MAMDC2: variants seen among roughly 807,000 people sequenced by gnomAD.
The protein encoded by MAMDC2 is MAM domain containing 2.
MAMDC2 carries 57 observed loss-of-function variants against 89.8 expected under a neutral mutation model. The ratio of observed to expected loss-of-function variants is 0.63; its 90% CI spans 0.51 to 0.79. The LOEUF (loss-of-function observed/expected upper bound fraction) is 0.79, where lower values mean the gene tolerates loss of function less well. Ranked by LOEUF, MAMDC2 falls within the 30% of genes least tolerant of loss-of-function variation. The pLI, the probability that MAMDC2 is intolerant of heterozygous loss-of-function variation, is 0.00. For synonymous variants in MAMDC2, 313 were observed against 293.4 expected, an observed-to-expected ratio of 1.07 and a Z score of -0.68; for missense variants, 800 against 820.6, an observed-to-expected ratio of 0.97 and a Z score of 0.31.
chr9:70,116,772 A>C (rs999962731), intron 5 of MAMDC2, among the ~76,000 whole-genome samples: 1 of 151,624 alleles, frequency 6.6e-6, no homozygotes, highest in African/African-American at 2.4e-5. Flanking sequence ...TAATGTCTTG[A>C]CCAGAAGGGT....
chr9:70,095,037 T>C (rs1827991194), intron 2 of MAMDC2, among the ~76,000 whole-genome samples: 1 of 151,974 alleles, frequency 6.6e-6, no homozygotes, highest in Admixed American at 6.6e-5. Context: ...GCATGGAATG[T>C]AGGAGGGAAG....
intron 11 of MAMDC2, among the ~76,000 whole-genome samples, chr9:70,215,479 T>C (rs1020044170): frequency 1.3e-5 from 2 of 152,270 alleles, no homozygotes; most frequent in Non-Finnish European, 2.9e-5. Context: ...AAATGTAACA[T>C]ACCAGATCAA....
chr9:70,131,767 T>C (rs1326059292), intron 7 of MAMDC2, among the ~76,000 whole-genome samples, 155 bp downstream of exon 7: 2 of 152,226 alleles, frequency 1.3e-5, no homozygotes, highest in Non-Finnish European at 2.9e-5. Context: ...TTCTGGAATA[T>C]TACTCTCTTT....
At chr9:70,205,378 T>G (rs2033203873) in intron 11 of MAMDC2, among the ~76,000 whole-genome samples, 1 of 152,152 alleles carries the variant, frequency 6.6e-6, no homozygotes, top group South Asian at 2.1e-4. Context: ...AAAGAGAAAT[T>G]TTAGAGCGAC....
At chr9:70,078,396 G>A (rs1405916139) in intron 2 of MAMDC2, among the ~76,000 whole-genome samples, 1 of 152,148 alleles carries the variant, frequency 6.6e-6, no homozygotes, top group African/African-American at 2.4e-5. Context: ...TAATTTAAAC[G>A]TTTCACAAGC....
intron 9 of MAMDC2, among the ~76,000 whole-genome samples, chr9:70,151,682 A>AAATG (rs2031585693): frequency 6.6e-6 from 1 of 152,166 alleles, no homozygotes; most frequent in Non-Finnish European, 1.5e-5. Context: ...CACCTGGAGA[A>AAATG]AATGAGGCTC....
intron 11 of MAMDC2, among the ~76,000 whole-genome samples, chr9:70,210,462 T>G (rs2118662919): frequency 6.6e-6 from 1 of 152,312 alleles, no homozygotes; most frequent in East Asian, 1.9e-4. Flanking sequence ...AACCCCTGCC[T>G]TTTTCTTGTT....
chr9:70,066,560 T>A (rs1370166873), intron 2 of MAMDC2, among the ~76,000 whole-genome samples: 1 of 152,090 alleles, frequency 6.6e-6, no homozygotes, highest in Non-Finnish European at 1.5e-5. Flanking sequence ...CAAGAGATCA[T>A]AGTGGCTTAG....
chr9:70,101,883 C>T (rs953365874), intron 2 of MAMDC2, among the ~76,000 whole-genome samples: 1 of 152,182 alleles, frequency 6.6e-6, no homozygotes, highest in Non-Finnish European at 1.5e-5. Context: ...AAAGTCAGCA[C>T]AAAACGTGAA....
At chr9:70,057,958 G>A (rs1827062317) in intron 2 of MAMDC2, among the ~76,000 whole-genome samples, 2 of 152,134 alleles carry the variant, frequency 1.3e-5, no homozygotes, top group South Asian at 4.1e-4. Context: ...TTTTATTTCA[G>A]TATTTGAAAG....
rs1211914943 is a variant in MAMDC2 at position 70,153,429 on chromosome 9, T to A, written c.1404+9610T>A. 3.3e-5 allele frequency: 5 copies of A among 152,238 alleles called. No homozygotes were observed. The East Asian group carries it at 9.6e-4, about 29-fold the overall frequency. The allele number at this position is 152,238 out of a possible 1,614,324, so 9.4% of individuals were successfully genotyped here. ...TATATATTCAAATCCTTAGTTTATCTTTATGCTTGGTCACCCATGGTAGCA... is the reference window on the plus strand; with the variant it reads ...TATATATTCAAATCCTTAGTTTATCATTATGCTTGGTCACCCATGGTAGCA... On this transcript the variant is annotated intron_variant, in intron 9 of 13. Coordinates refer to ENST00000377182, the MANE Select transcript of MAMDC2 (RefSeq NM_153267.5).
chr9:70,209,371 G>C (rs948335991), intron 11 of MAMDC2, among the ~76,000 whole-genome samples: 3 of 152,152 alleles, frequency 2.0e-5, no homozygotes, highest in Non-Finnish European at 4.4e-5. Flanking sequence ...GGGCATATGT[G>C]TTGAGGAATT....
intron 2 of MAMDC2, among the ~76,000 whole-genome samples, chr9:70,101,286 A>G (rs1828186463): frequency 6.6e-6 from 1 of 152,214 alleles, no homozygotes; most frequent in Non-Finnish European, 1.5e-5. Context: ...TAAGAGTCAA[A>G]TGTTAAAATT....
At chr9:70,211,539 C>A (rs1258921227) in intron 11 of MAMDC2, among the ~76,000 whole-genome samples, 1 of 152,088 alleles carries the variant, frequency 6.6e-6, no homozygotes, top group South Asian at 2.1e-4. Flanking sequence ...AATCTTTTTT[C>A]AAGGTTTTTA....
rs10710715 is a variant in MAMDC2, at chr9:70,154,527, A to ATTTT, written c.1404+10724_1404+10727dup. On this transcript the variant is annotated intron_variant, in intron 9 of 13. Transcript: ENST00000377182. ...GGTATGCTGAGTCCGATTTGGAACA[A>ATTTT]TTTTTTTTTTTTTTTTTTTGAGACA... 1.3e-4 allele frequency among the ~76,000 whole-genome samples: 17 copies of ATTTT among 135,838 alleles called. 1 individual carries two copies. Among genetic ancestry groups the ATTTT allele is most frequent in the Non-Finnish European group, 1.4e-4 (9 of 64,428 alleles). 89.1% of individuals were successfully genotyped at this position (135,838 alleles called of 152,430 possible). A position where few individuals can be genotyped will look rare whatever the true frequency, so the allele number is the denominator to read the frequency against.
At chr9:70,068,765 A>C (rs1447799479) in intron 2 of MAMDC2, among the ~76,000 whole-genome samples, 1 of 151,630 alleles carries the variant, frequency 6.6e-6, no homozygotes, top group East Asian at 1.9e-4. Flanking sequence ...AACAGGAAAC[A>C]AACATCTAAA....
chr9:70,098,594 A>G (rs1180222300), intron 2 of MAMDC2, among the ~76,000 whole-genome samples: 2 of 152,220 alleles, frequency 1.3e-5, no homozygotes, highest in Non-Finnish European at 2.9e-5. Context: ...CCCAAATGAA[A>G]GTCCATATAG....
intron 11 of MAMDC2, among the ~76,000 whole-genome samples, chr9:70,199,488 G>A (rs1289912929): frequency 6.7e-6 from 1 of 149,936 alleles, no homozygotes; most frequent in African/African-American, 2.5e-5. Flanking sequence ...CTCTGCTATT[G>A]TGAATAATGC....
intron 12 of MAMDC2, among the ~76,000 whole-genome samples, chr9:70,222,777 C>T (rs1047100244): frequency 3.3e-5 from 5 of 152,108 alleles, no homozygotes; most frequent in African/African-American, 1.2e-4. Context: ...GAAATATTTA[C>T]ATCAGTCATA....
Sources: allele counts gnomAD v4.1 joint callset (sites outside exome capture counted in the v4.1 genomes callset), GRCh38; gene constraint gnomAD v4.1.1; transcripts MANE v1.5; gene names NCBI Gene and HGNC (gene_info 2026-07-23, HGNC 2026-07-21).